The following SLC38A11 variants were observed in gnomAD, a reference collection of about 807,000 sequenced individuals.
SLC38A11 encodes solute carrier family 38 member 11.
Under a neutral mutation model 49.4 loss-of-function variants are expected in SLC38A11, and 51 were observed. The ratio of observed to expected loss-of-function variants is 1.03; its 90% confidence interval spans 0.83 to 1.30. The LOEUF (loss-of-function observed/expected upper bound fraction) is 1.30, where lower values mean the gene tolerates loss of function less well. SLC38A11 is among the 50% of genes most tolerant of loss of function. The pLI is 0.00. For missense variants in SLC38A11, 574 were observed against 556.2 expected (o/e 1.03, Z -0.32); for synonymous variants, 203 against 192.9 (o/e 1.05, Z -0.43).
intron 7 of SLC38A11, among the ~76,000 whole-genome samples, chr2:164,932,587 G>A (rs749626143): frequency 4.6e-5 from 7 of 152,056 alleles, no homozygotes; most frequent in Non-Finnish European, 1.0e-4. Context: ...CTGCAGGAAC[G>A]TGGATTGAGC....
chr2:164,896,074 T>C lies in SLC38A11; in HGVS notation c.*2363A>G, dbSNP rs1314805056. ...GCAACAAGTGGCAGGGATGGAAAGA[T>C]TTTCAGGGGAATCTCTTATTGAACT... On this transcript the variant is annotated 3_prime_UTR_variant, in exon 12 of 12. Coordinates refer to ENST00000685975, the MANE Select transcript of SLC38A11 (RefSeq NM_001351537.2). 6.6e-6 allele frequency: 1 copy of C among 152,140 alleles called. No individual in the cohort carries two copies. Among genetic ancestry groups the C allele is most frequent in the Non-Finnish European group, 1.5e-5 (1 of 68,024 alleles). The allele number at this position is 152,140 out of a possible 1,614,324, so 9.4% of individuals were successfully genotyped here.
intron 11 of SLC38A11, among the ~76,000 whole-genome samples, chr2:164,900,177 C>T (rs553484780): frequency 3.9e-4 from 59 of 152,166 alleles, no homozygotes; most frequent in African/African-American, 1.4e-3. Context: ...ATCTATATGA[C>T]ATTCTCTGTA....
intron 7 of SLC38A11, 61 bp downstream of exon 7, chr2:164,937,289 A>G: frequency 9.3e-7 from 1 of 1,073,728 alleles, no homozygotes; most frequent in South Asian, 1.3e-5. Flanking sequence ...CATTTATGCC[A>G]TCTAAATATC....
At chr2:164,902,525 TA>T (rs1369673469) in intron 11 of SLC38A11, among the ~76,000 whole-genome samples, 1 of 152,204 alleles carries the variant, frequency 6.6e-6, no homozygotes, top group Non-Finnish European at 1.5e-5. Flanking sequence ...AAGAATAGTA[TA>T]ATGAAATCCT....
chr2:164,934,647 C>T lies in SLC38A11; in HGVS notation c.617+2703G>A, dbSNP rs141780514. Among the ~76,000 whole-genome samples, 1,316 of 152,240 alleles carry T rather than the reference C, an allele frequency of 8.6e-3. 27 individuals carry two copies. The highest frequency in any genetic ancestry group is 0.03 in the African/African-American group (1,266 of 41,548). On this transcript the variant is annotated intron_variant, in intron 7 of 11. Transcript: ENST00000685975. Reference sequence around the variant, plus strand: ...AGCTATGTTTCCCCCTCAATATTGCCTCATAATACTATATTTAGCAAACCT... The same window carrying T: ...AGCTATGTTTCCCCCTCAATATTGCTTCATAATACTATATTTAGCAAACCT...
chr2:164,908,780 T>G lies in SLC38A11; in HGVS notation c.964-9A>C, dbSNP rs1275735570. The G allele has an allele frequency of 6.2e-7, 1 of 1,604,138 alleles. No homozygotes were observed. Among genetic ancestry groups the G allele is most frequent in the Non-Finnish European group, 8.5e-7 (1 of 1,174,970 alleles). On this transcript the variant is annotated splice_polypyrimidine_tract_variant and intron_variant, in intron 10 of 11. Coordinates refer to ENST00000685975, the MANE Select transcript of SLC38A11 (RefSeq NM_001351537.2). ...AACACATTGGCAATTACCTGCCGAA[T>G]AAACAGATTATTTTGAGAGGGACTT... is the stretch of plus-strand genomic sequence containing the variant.
chr2:164,936,671 T>C (rs1055496320), intron 7 of SLC38A11, among the ~76,000 whole-genome samples: 1 of 151,894 alleles, frequency 6.6e-6, no homozygotes, highest in Non-Finnish European at 1.5e-5. Context: ...TAGCATTTTC[T>C]TGGGACTGTG....
intron 11 of SLC38A11, among the ~76,000 whole-genome samples, chr2:164,908,322 T>C (rs1327257770): frequency 2.0e-5 from 3 of 152,108 alleles, no homozygotes; most frequent in Admixed American, 1.3e-4. Flanking sequence ...ATTGACATTT[T>C]GGATCAGATA....
Position 164,954,624 on chromosome 2 carries a change from C to T in SLC38A11, c.154+7G>A. Reference sequence around the variant, plus strand: ...CTTAAAATTTAAACCAAAGCAAATACACTTACCTATTATACCAGATCCTAT... The same window carrying T: ...CTTAAAATTTAAACCAAAGCAAATATACTTACCTATTATACCAGATCCTAT... On this transcript the variant is annotated splice_region_variant and intron_variant, in intron 2 of 11. Transcript: ENST00000685975. 1 of 1,429,262 alleles carries T rather than the reference C, an allele frequency of 7.0e-7. No individual in the cohort carries two copies. The highest frequency in any genetic ancestry group is 9.4e-7 in the Non-Finnish European group (1 of 1,062,128). 88.5% of individuals were successfully genotyped at this position (1,429,262 alleles called of 1,614,324 possible). A position where few individuals can be genotyped will look rare whatever the true frequency, so the allele number is the denominator to read the frequency against.
At chr2:164,953,723 A>C (rs911309781) in intron 2 of SLC38A11, among the ~76,000 whole-genome samples, 1 of 152,228 alleles carries the variant, frequency 6.6e-6, no homozygotes, top group Non-Finnish European at 1.5e-5. Context: ...TTCAAGAGTA[A>C]GAAAAGTAAC....
rs985640791 is a variant in SLC38A11 at position 164,894,785 on chromosome 2, T to C, written c.*3652A>G. On this transcript the variant is annotated 3_prime_UTR_variant, in exon 12 of 12. Coordinates refer to ENST00000685975, the MANE Select transcript of SLC38A11 (RefSeq NM_001351537.2). ...CTCCTCTTCTCACTGTGTCTCTAGA[T>C]GATTTTTCAAAGAGGCAAAGGATAA... Among the ~76,000 whole-genome samples the C allele has an allele frequency of 6.6e-6, 1 of 152,180 alleles. No homozygotes were observed. The highest frequency in any genetic ancestry group is 2.4e-5 in the African/African-American group (1 of 41,450).
Position 164,895,154 on chromosome 2 carries a change from A to G in SLC38A11, c.*3283T>C, listed in dbSNP as rs1007495357. On this transcript the variant is annotated 3_prime_UTR_variant, in exon 12 of 12. Coordinates refer to ENST00000685975, the MANE Select transcript of SLC38A11 (RefSeq NM_001351537.2). ...CCAAGTTTAAAAGCCACTACCCTAG[A>G]CAAAGACTGGGCTCTTTTCTTTCTC... is the stretch of plus-strand genomic sequence containing the variant. Among the ~76,000 whole-genome samples the G allele has an allele frequency of 6.6e-6, 1 of 152,176 alleles. No homozygotes were observed. The highest frequency in any genetic ancestry group is 2.4e-5 in the African/African-American group (1 of 41,440).
rs762848925 is a variant in SLC38A11, at chr2:164,944,642, C to G, written c.365-8G>C. 1.4e-5 allele frequency: 17 copies of G among 1,189,228 alleles called. No individual in the cohort carries two copies. Among genetic ancestry groups the G allele is most frequent in the Admixed American group, 3.5e-5 (1 of 28,734 alleles). The allele number at this position is 1,189,228 out of a possible 1,614,324, so 73.7% of individuals were successfully genotyped here. A position where few individuals can be genotyped will look rare whatever the true frequency, so the allele number is the denominator to read the frequency against. On this transcript the variant is annotated splice_region_variant and splice_polypyrimidine_tract_variant and intron_variant, in intron 4 of 11. Coordinates refer to ENST00000685975, the MANE Select transcript of SLC38A11 (RefSeq NM_001351537.2). Reference sequence around the variant, plus strand: ...TATTGTAACTTATCATTGCTAAAAACATAATTAAAATAAGAGTCATCAATA... The same window carrying G: ...TATTGTAACTTATCATTGCTAAAAAGATAATTAAAATAAGAGTCATCAATA...
intron 6 of SLC38A11, among the ~76,000 whole-genome samples, chr2:164,938,182 T>C (rs1687507213): frequency 6.6e-6 from 1 of 152,186 alleles, no homozygotes; most frequent in Non-Finnish European, 1.5e-5. Context: ...GTGAGTCTCA[T>C]TAACCTTGTT....
At chr2:164,943,173 A>AT (rs1197094708) in intron 5 of SLC38A11, among the ~76,000 whole-genome samples, 1 of 152,236 alleles carries the variant, frequency 6.6e-6, no homozygotes, top group African/African-American at 2.4e-5. Flanking sequence ...TGTAGCTTGG[A>AT]TGAGAAGCTC....
At chr2:164,907,272 T>C (rs972139086) in intron 11 of SLC38A11, among the ~76,000 whole-genome samples, 2 of 55,064 alleles carry the variant, frequency 3.6e-5, no homozygotes, top group Non-Finnish European at 8.0e-5. Context: ...TCTTTTCTCT[T>C]TTTTTTTTTT....
At chr2:164,908,544 C>G in intron 11 of SLC38A11, 96 bp downstream of exon 11, 1 of 1,160,982 alleles carries the variant, frequency 8.6e-7, no homozygotes, top group South Asian at 2.2e-5. Flanking sequence ...TCAAAAGTGA[C>G]ACTTTTGTTA....
Position 164,955,292 on chromosome 2 carries a change from T to A in SLC38A11, c.-45A>T, listed in dbSNP as rs761151750. 1.9e-6 allele frequency: 3 copies of A among 1,540,562 alleles called. No individual in the cohort carries two copies. In the South Asian group the frequency reaches 3.6e-5, roughly 18 times the overall value. ...GCAGGTGGAAGATGCTGGGGCTGGG[T>A]ACGGATTCGCACCCGGCCAGCCTCC... On this transcript the variant is annotated 5_prime_UTR_variant, in exon 1 of 12. Coordinates refer to ENST00000685975, the MANE Select transcript of SLC38A11 (RefSeq NM_001351537.2).
intron 7 of SLC38A11, among the ~76,000 whole-genome samples, chr2:164,919,175 A>G (rs1202646562): frequency 6.6e-6 from 1 of 151,998 alleles, no homozygotes; most frequent in Admixed American, 6.6e-5. Context: ...ACAAAAAATA[A>G]AAACATTAGC....
Sources: allele counts gnomAD v4.1 joint callset (sites outside exome capture counted in the v4.1 genomes callset), GRCh38; gene constraint gnomAD v4.1.1; transcripts MANE v1.5; gene names NCBI Gene and HGNC (gene_info 2026-07-23, HGNC 2026-07-21).